SHANK2: variants seen among roughly 807,000 people sequenced by gnomAD.
SHANK2 encodes the protein SH3 and multiple ankyrin repeat domains 2, also known as SH3 and multiple ankyrin repeat domains protein 2.
A neutral mutation model predicts 133.7 loss-of-function variants in SHANK2; 43 were observed. The observed-to-expected ratio is 0.32, with a 90% CI of 0.25 to 0.41. The LOEUF (loss-of-function observed/expected upper bound fraction) is 0.41, where lower values mean the gene tolerates loss of function less well. Ranked by LOEUF, SHANK2 falls within the 10% of genes least tolerant of loss-of-function variation. The probability of loss-of-function intolerance (pLI) is 1.00; values close to 1 mark genes in which losing one functional copy is unlikely to be tolerated. For synonymous variants in SHANK2, 1,017 were observed against 952.8 expected, an observed-to-expected ratio of 1.07 and a Z score of -1.24; for missense variants, 1,994 against 2,235.8, an observed-to-expected ratio of 0.89 and a Z score of 2.18.
At chr11:70,650,013 C>G (rs2061320632) in intron 17 of SHANK2, among the ~76,000 whole-genome samples, 1 of 152,162 alleles carries the variant, frequency 6.6e-6, no homozygotes, top group Non-Finnish European at 1.5e-5. Flanking sequence ...AGGGAATGTT[C>G]CCTGAGGGAG....
intron 10 of SHANK2, among the ~76,000 whole-genome samples, chr11:70,900,212 G>T (rs1391599638): frequency 6.6e-6 from 1 of 152,028 alleles, no homozygotes; most frequent in Non-Finnish European, 1.5e-5. Context: ...AAATTAGCTG[G>T]GCGTGGTAGC....
intron 3 of SHANK2, among the ~76,000 whole-genome samples, chr11:71,137,030 TTTTTGTA>T (rs1952452426): frequency 1.3e-5 from 2 of 152,018 alleles, no homozygotes; most frequent in Non-Finnish European, 2.9e-5. Context: ...GCCCAGCTAA[TTTTTGTA>T]TTTTTAGTAG....
intron 25 of SHANK2, among the ~76,000 whole-genome samples, chr11:70,476,955 G>C (rs1565520028): frequency 1.3e-5 from 2 of 152,246 alleles, no homozygotes; most frequent in African/African-American, 2.4e-5. Flanking sequence ...TTGCCCCAGT[G>C]CTGCCCTCAC....
rs1312367986 is a variant in SHANK2, at chr11:70,882,619, G to A, written c.1174+13882C>T. ...AGAAGCAGGCTTAGGTCAGAGGTAG[G>A]GCAGACCCCAAAACTTGCTTGCAAA... On this transcript the variant is annotated intron_variant, in intron 11 of 25. Transcript: ENST00000601538. The surrounding 1 kb of genome is among the most constrained non-coding windows in gnomAD (Gnocchi z 4.2). Among the ~76,000 whole-genome samples the A allele has an allele frequency of 1.3e-5, 2 of 152,162 alleles. No individual in the cohort carries two copies. Among genetic ancestry groups the A allele is most frequent in the Non-Finnish European group, 2.9e-5 (2 of 68,034 alleles).
At chr11:71,185,099 G>A (rs142353398) in intron 2 of SHANK2, among the ~76,000 whole-genome samples, 336 of 152,288 alleles carry the variant, frequency 2.2e-3, no homozygotes, top group African/African-American at 7.8e-3. Flanking sequence ...CCCACCAGGG[G>A]TACCGGTGGG....
chr11:71,145,682 G>T (rs1246489664), intron 3 of SHANK2, among the ~76,000 whole-genome samples: 1 of 152,200 alleles, frequency 6.6e-6, no homozygotes, highest in Admixed American at 6.5e-5. Context: ...ACCAGGAGCT[G>T]GGACCCTGGA....
At chr11:70,732,923 T>A (rs1424909695) in intron 14 of SHANK2, among the ~76,000 whole-genome samples, 1 of 152,118 alleles carries the variant, frequency 6.6e-6, no homozygotes, top group Non-Finnish European at 1.5e-5. Flanking sequence ...GCTCTGGAAA[T>A]GGTGTCTGGC....
intron 17 of SHANK2, among the ~76,000 whole-genome samples, chr11:70,547,539 G>C (rs937467457): frequency 6.6e-6 from 1 of 152,074 alleles, no homozygotes; most frequent in African/African-American, 2.4e-5. Context: ...GGGATTACAC[G>C]CATGAGCCAC....
intron 17 of SHANK2, among the ~76,000 whole-genome samples, chr11:70,652,144 C>G (rs2061345724): frequency 1.3e-5 from 2 of 152,254 alleles, no homozygotes; most frequent in Admixed American, 6.5e-5. Context: ...AAGCCAGACC[C>G]ATGCCAACAG....
chr11:70,595,251 C>T (rs1259038375), intron 17 of SHANK2, among the ~76,000 whole-genome samples: 5 of 152,168 alleles, frequency 3.3e-5, no homozygotes, highest in African/African-American at 7.2e-5. Flanking sequence ...GGGTGCAGCC[C>T]GGCCGTCCAC....
chr11:70,850,355 C>A (rs1338068868), intron 11 of SHANK2, among the ~76,000 whole-genome samples: 1 of 152,188 alleles, frequency 6.6e-6, no homozygotes, highest in Non-Finnish European at 1.5e-5. Flanking sequence ...CCCCCAAGGC[C>A]AGAGAAGCAG....
intron 2 of SHANK2, among the ~76,000 whole-genome samples, chr11:71,157,585 A>T (rs1407481839): frequency 2.6e-5 from 4 of 152,126 alleles, no homozygotes; most frequent in Non-Finnish European, 5.9e-5. Context: ...AGCCAGAGAG[A>T]AGAGTCTGTC....
chr11:70,943,932 A>C (rs781940528), intron 10 of SHANK2: 76 of 456,510 alleles, frequency 1.7e-4, no homozygotes, highest in Non-Finnish European at 2.9e-4. Flanking sequence ...CCTTCTGTTT[A>C]AATATTACTT....
chr11:70,862,021 C>T (rs1475489497), intron 11 of SHANK2, among the ~76,000 whole-genome samples: 1 of 151,960 alleles, frequency 6.6e-6, no homozygotes, highest in Non-Finnish European at 1.5e-5. Context: ...TGGGAAGGAT[C>T]CTGTCGCACT....
At chr11:70,573,950 G>A (rs2060083391) in intron 17 of SHANK2, among the ~76,000 whole-genome samples, 1 of 152,204 alleles carries the variant, frequency 6.6e-6, no homozygotes, top group Non-Finnish European at 1.5e-5. Flanking sequence ...GGGGCGGATG[G>A]CGCTATGCCA....
At chr11:70,542,371 CAG>C (rs2059633667) in intron 17 of SHANK2, among the ~76,000 whole-genome samples, 1 of 152,188 alleles carries the variant, frequency 6.6e-6, no homozygotes, top group Non-Finnish European at 1.5e-5. Flanking sequence ...ATGTGGCTAG[CAG>C]CCAAGGAATA....
intron 1 of SHANK2, among the ~76,000 whole-genome samples, chr11:71,235,810 G>C (rs1183766123): frequency 6.6e-6 from 1 of 152,182 alleles, no homozygotes; most frequent in Admixed American, 6.5e-5. Flanking sequence ...CACCTCCTGA[G>C]GTCTATGTGA....
intron 17 of SHANK2, among the ~76,000 whole-genome samples, chr11:70,618,410 G>A (rs530120631): frequency 1.3e-5 from 2 of 152,150 alleles, no homozygotes; most frequent in African/African-American, 4.8e-5. Context: ...AAGGACAAAA[G>A]TCTCCAGAGT....
chr11:70,780,717 C>T (rs1458779714), intron 14 of SHANK2, among the ~76,000 whole-genome samples: 10 of 151,978 alleles, frequency 6.6e-5, no homozygotes, highest in East Asian at 1.9e-4. Context: ...GGATTACAGA[C>T]GCCTGCCACC....
Sources: gnomAD v4.1 joint callset for allele counts (sites outside exome capture counted in the v4.1 genomes callset) on GRCh38, gnomAD v4.1.1 for gene constraint, Gnocchi (gnomAD v3.1) non-coding constraint, MANE v1.5 for transcripts, NCBI Gene and HGNC (gene_info 2026-07-23, HGNC 2026-07-21) for gene names.